RHBDL3: variants seen among roughly 807,000 people sequenced by gnomAD.
RHBDL3 encodes rhomboid like 3.
A neutral mutation model predicts 48.2 loss-of-function variants in RHBDL3; 28 were observed. The ratio of observed to expected loss-of-function variants is 0.58; its 90% CI spans 0.43 to 0.80. The LOEUF is 0.80. RHBDL3 is among the 30% of genes least tolerant of loss of function. The probability of loss-of-function intolerance (pLI) is 0.00; values close to 1 mark genes in which losing one functional copy is unlikely to be tolerated. For synonymous variants in RHBDL3, 208 were observed against 232.3 expected, an observed-to-expected ratio of 0.90 and a Z score of 0.95; for missense variants, 464 against 542.7, an observed-to-expected ratio of 0.85 and a Z score of 1.44.
intron 2 of RHBDL3, among the ~76,000 whole-genome samples, chr17:32,277,800 A>T (rs2039950508): frequency 6.6e-6 from 1 of 152,244 alleles, no homozygotes; most frequent in Non-Finnish European, 1.5e-5. Context: ...TTACTGTGAA[A>T]AAATACTACG....
At chr17:32,313,704 G>A (rs1250479585) in intron 7 of RHBDL3, among the ~76,000 whole-genome samples, 1 of 150,306 alleles carries the variant, frequency 6.7e-6, no homozygotes, top group Non-Finnish European at 1.5e-5. Context: ...CTTAGCGTAA[G>A]GTCCTCCAGG....
At chr17:32,310,088 C>A (rs993338431) in intron 7 of RHBDL3, among the ~76,000 whole-genome samples, 5 of 152,062 alleles carry the variant, frequency 3.3e-5, no homozygotes, top group African/African-American at 9.7e-5. Context: ...TACAGATACA[C>A]CTAATTGAAT....
chr17:32,270,771 C>G (rs2039753379), intron 2 of RHBDL3, among the ~76,000 whole-genome samples: 1 of 152,154 alleles, frequency 6.6e-6, no homozygotes, highest in Non-Finnish European at 1.5e-5. Flanking sequence ...GTGTTCATGT[C>G]CTGTTCAAAC....
chr17:32,288,668 C>T lies in RHBDL3; in HGVS notation c.295-124C>T, dbSNP rs2040252603. The stretch of plus-strand genomic sequence containing the variant: ...CTTGGTGAATGTTGCTTCTTATTAA[C>T]AATTATAGGAGAAAGGGAAATGCGG... On this transcript the variant is annotated intron_variant, in intron 3 of 8. Transcript: ENST00000269051. 4.5e-6 allele frequency: 3 copies of T among 667,696 alleles called. No individual in the cohort carries two copies. The South Asian group carries it at 5.7e-5, about 13-fold the overall frequency. 41.4% of individuals were successfully genotyped at this position (667,696 alleles called of 1,614,324 possible).
intron 7 of RHBDL3, among the ~76,000 whole-genome samples, chr17:32,313,712 A>G (rs2040897220): frequency 6.9e-6 from 1 of 144,252 alleles, no homozygotes; most frequent in East Asian, 2.0e-4. Flanking sequence ...AAGGTCCTCC[A>G]GGTTTATTCA....
rs974813332 is a variant in RHBDL3 at position 32,321,771 on chromosome 17, C to G, written c.*542C>G. The G allele has an allele frequency of 4.6e-5, 10 of 217,512 alleles. No individual in the cohort carries two copies. The highest frequency in any genetic ancestry group is 8.4e-5 in the Non-Finnish European group (9 of 107,304). The allele number at this position is 217,512 out of a possible 1,614,324, so 13.5% of individuals were successfully genotyped here. On this transcript the variant is annotated 3_prime_UTR_variant, in exon 9 of 9. Coordinates refer to ENST00000269051, the MANE Select transcript of RHBDL3 (RefSeq NM_138328.3). ...ATGTCAGCTGTGACCTGGCTGAAACCAGGGTGCCCTCCTGGGCTGGTTGGT... is the reference window on the plus strand; with the variant it reads ...ATGTCAGCTGTGACCTGGCTGAAACGAGGGTGCCCTCCTGGGCTGGTTGGT...
intron 8 of RHBDL3, 96 bp downstream of exon 8, chr17:32,316,388 A>G (rs2040974433): frequency 2.2e-6 from 2 of 891,330 alleles, no homozygotes; most frequent in African/African-American, 1.7e-5. Flanking sequence ...CTTATGGTCA[A>G]GAAAAAAAAA....
chr17:32,308,885 G>C (rs2040772314), intron 7 of RHBDL3, among the ~76,000 whole-genome samples: 1 of 152,000 alleles, frequency 6.6e-6, no homozygotes. Context: ...GACCAACATG[G>C]TGAAACCCCG....
intron 7 of RHBDL3, among the ~76,000 whole-genome samples, chr17:32,307,215 T>C (rs1250103431): frequency 6.6e-6 from 1 of 152,190 alleles, no homozygotes; most frequent in Admixed American, 6.5e-5. Flanking sequence ...ACTTGTCTAT[T>C]TCCCAGTACC....
chr17:32,312,178 A>G (rs1162670025), intron 7 of RHBDL3, among the ~76,000 whole-genome samples: 1 of 152,188 alleles, frequency 6.6e-6, no homozygotes, highest in Non-Finnish European at 1.5e-5. Flanking sequence ...CTCACGCCCT[A>G]CAATCCCAGC....
chr17:32,294,235 C>G, intron 4 of RHBDL3, 59 bp from the exon 5 acceptor site: 1 of 1,510,260 alleles, frequency 6.6e-7, no homozygotes. Flanking sequence ...CTAGTCAGCA[C>G]AACAGGAAGT....
chr17:32,298,211 A>T lies in RHBDL3; in HGVS notation c.781+7A>T, dbSNP rs2040499792. 2 of 1,597,934 alleles carry T rather than the reference A, an allele frequency of 1.3e-6. No homozygotes were observed. Among genetic ancestry groups the T allele is most frequent in the African/African-American group, 2.7e-5 (2 of 74,626 alleles). ...GTGGCCGGTGTTGTGGCAGGTAGGC[A>T]GGTAGGCCCCGTGTCCACAAAGGCA... On this transcript the variant is annotated splice_region_variant and intron_variant, in intron 6 of 8. Transcript: ENST00000269051.
chr17:32,304,192 A>C (rs1209884937), intron 6 of RHBDL3, among the ~76,000 whole-genome samples: 3 of 152,150 alleles, frequency 2.0e-5, no homozygotes, highest in African/African-American at 7.2e-5. Context: ...CCCAGAGGGT[A>C]TGACATCATC....
intron 2 of RHBDL3, among the ~76,000 whole-genome samples, chr17:32,271,935 G>A (rs1417915388): frequency 6.6e-6 from 1 of 152,208 alleles, no homozygotes; most frequent in Non-Finnish European, 1.5e-5. Context: ...CCGCCGCTTC[G>A]GTGGGTTGCT....
At chr17:32,311,994 G>A (rs971777848) in intron 7 of RHBDL3, among the ~76,000 whole-genome samples, 19 of 152,338 alleles carry the variant, frequency 1.2e-4, no homozygotes, top group South Asian at 4.1e-4. Flanking sequence ...TAAGGATGGC[G>A]CATTTAACAT....
chr17:32,286,237 G>T (rs928800722), intron 3 of RHBDL3, among the ~76,000 whole-genome samples: 1 of 152,242 alleles, frequency 6.6e-6, no homozygotes, highest in Non-Finnish European at 1.5e-5. Context: ...CTTAGGGCAC[G>T]TGGGGCCCAG....
intron 6 of RHBDL3, among the ~76,000 whole-genome samples, chr17:32,298,783 C>CCT (rs1374458362): frequency 6.6e-6 from 1 of 152,238 alleles, no homozygotes; most frequent in Non-Finnish European, 1.5e-5. Context: ...GGGAGTCTGA[C>CCT]CTAAGAGGCA....
chr17:32,283,232 T>G (rs1437872875), intron 2 of RHBDL3, among the ~76,000 whole-genome samples: 1 of 151,392 alleles, frequency 6.6e-6, no homozygotes, highest in African/African-American at 2.4e-5. Flanking sequence ...AGTGTTGCTG[T>G]GGGCATTGGG....
At position 32,284,711 on chromosome 17, in the gene RHBDL3, T is replaced by A; in HGVS notation, c.188T>A (p.Leu63Gln). The A allele has an allele frequency of 6.2e-7, 1 of 1,614,146 alleles. No homozygotes were observed. Among genetic ancestry groups the A allele is most frequent in the Non-Finnish European group, 8.5e-7 (1 of 1,179,980 alleles). The change falls in exon 3 of 9, where the codon CTG (leucine) becomes CAG (glutamine). Residue 63 changes from leucine to glutamine, a missense_variant. By Grantham distance (113) the Leu-to-Gln change is moderately radical. Transcript: ENST00000269051. The stretch of plus-strand genomic sequence containing the variant: ...AGCACAGGCAAGTTCCGGAGTCTTC[T>A]GGAGAGCCACAGCTCCAAGCTGGAC... Reference protein sequence around the residue: ...YISTGKFRSLLESHSSKLDPH... With the variant: ...YISTGKFRSLQESHSSKLDPH...
Sources: gnomAD v4.1 joint callset for allele counts (sites outside exome capture counted in the v4.1 genomes callset) on GRCh38, gnomAD v4.1.1 for gene constraint, MANE v1.5 for transcripts, NCBI Gene and HGNC (gene_info 2026-07-23, HGNC 2026-07-21) for gene names.